Variants in VWA2 observed in about 807,000 individuals in gnomAD.
VWA2 encodes von Willebrand factor A domain-containing protein 2.
Under a neutral mutation model 70.4 loss-of-function variants are expected in VWA2, and 73 were observed. That is an observed-to-expected ratio of 1.04 (90% confidence interval 0.86 to 1.26). The LOEUF is 1.26. Ranked by LOEUF, VWA2 falls within the 50% of genes most tolerant of loss-of-function variation. VWA2 has a pLI of 0.00. For missense variants in VWA2, 1,011 were observed against 998.5 expected, an observed-to-expected ratio of 1.01 and a Z score of -0.17; for synonymous variants, 407 against 423.3, an observed-to-expected ratio of 0.96 and a Z score of 0.47.
At chr10:114,283,718 T>C (rs2133485201) in intron 9 of VWA2, among the ~76,000 whole-genome samples, 1 of 152,360 alleles carries the variant, frequency 6.6e-6, no homozygotes, top group South Asian at 2.1e-4. Context: ...CATGCGTGTA[T>C]TGTGCTTAGC....
intron 5 of VWA2, among the ~76,000 whole-genome samples, chr10:114,270,458 C>T (rs1164785318): frequency 6.6e-6 from 1 of 152,222 alleles, no homozygotes; most frequent in African/African-American, 2.4e-5. Context: ...TACCAGTTAT[C>T]ACTATTCTCT....
chr10:114,246,785 A>C, intron 1 of VWA2: 2 of 1,212,476 alleles, frequency 1.6e-6, no homozygotes, highest in Non-Finnish European at 2.4e-6. Flanking sequence ...ATGCTACTAA[A>C]ATTTATTTTA....
chr10:114,259,903 T>G (rs570443648), intron 4 of VWA2, among the ~76,000 whole-genome samples: 1 of 152,170 alleles, frequency 6.6e-6, no homozygotes, highest in African/African-American at 2.4e-5. Context: ...CCCCAGAGCA[T>G]CCTGCCTGCA....
At chr10:114,271,608 AAC>A (rs142127208) in intron 5 of VWA2, among the ~76,000 whole-genome samples, 8,698 of 144,250 alleles carry the variant, frequency 0.06, 272 homozygotes, top group African/African-American at 0.084. Context: ...GAGAAGTAAA[AAC>A]ACACACACAC....
chr10:114,269,774 G>T (rs2037666257), intron 5 of VWA2, among the ~76,000 whole-genome samples: 1 of 152,094 alleles, frequency 6.6e-6, no homozygotes, highest in Admixed American at 6.5e-5. Flanking sequence ...ATGATCAGAT[G>T]GACCACAAGG....
chr10:114,249,244 G>T (rs569265417), intron 2 of VWA2, among the ~76,000 whole-genome samples: 1 of 151,888 alleles, frequency 6.6e-6, no homozygotes, highest in South Asian at 2.1e-4. Flanking sequence ...TCATTGTTCA[G>T]CTCCCACTTA....
intron 9 of VWA2, 73 bp from the exon 10 acceptor site, chr10:114,284,790 C>G: frequency 7.0e-7 from 1 of 1,424,160 alleles, no homozygotes; most frequent in Non-Finnish European, 9.5e-7. Flanking sequence ...CCAGCTGCAC[C>G]CACACCTCTG....
Position 114,286,321 on chromosome 10 carries a change from G to T in VWA2, c.1380G>T (p.Glu460Asp). The T allele has an allele frequency of 6.2e-7, 1 of 1,612,580 alleles. No homozygotes were observed. Among genetic ancestry groups the T allele is most frequent in the Non-Finnish European group, 8.5e-7 (1 of 1,179,124 alleles). ...VLLTESHSED[E>D]VAGPARHARA... ...TCACTGAGTCACACTCCGAGGATGA[G>T]GTTGCGGGCCCAGCGCGTCACGCAA... The change falls in exon 11 of 14, where the codon GAG becomes GAT. Residue 460 changes from glutamate (E) to aspartate (D), a missense_variant. Glu to Asp is a conservative substitution (Grantham distance 45). Coordinates refer to ENST00000392982, the MANE Select transcript of VWA2 (RefSeq NM_001272046.2).
At chr10:114,281,098 C>T (rs1482450032) in intron 8 of VWA2, 4 of 152,176 alleles carry the variant, frequency 2.6e-5, no homozygotes, top group African/African-American at 7.2e-5. Context: ...CTCCATTTTA[C>T]CCCAGGGAAG....
At chr10:114,240,415 T>C (rs192934463) in intron 1 of VWA2, among the ~76,000 whole-genome samples, 1 of 152,268 alleles carries the variant, frequency 6.6e-6, no homozygotes, top group East Asian at 1.9e-4. Flanking sequence ...CTGCTTGTGA[T>C]TGTGGAATCA....
chr10:114,256,905 G>A (rs1340872692), intron 4 of VWA2, among the ~76,000 whole-genome samples: 4 of 112,770 alleles, frequency 3.5e-5, no homozygotes, highest in African/African-American at 1.1e-4. Flanking sequence ...GTGAAACACC[G>A]TCTCAAAAAA....
At position 114,294,101 on chromosome 10, in the gene VWA2, A is replaced by T. The variant is rs2039847306; in HGVS notation, c.*2864A>T. ...GTTATCCATTTGTGTATTTTCAATC[A>T]TTGAACAACCCTTGATTTTTTTGGA... On this transcript the variant is annotated 3_prime_UTR_variant, in exon 14 of 14. Coordinates refer to ENST00000392982, the MANE Select transcript of VWA2 (RefSeq NM_001272046.2). Among the ~76,000 whole-genome samples, 1 of 152,172 alleles carries T rather than the reference A, an allele frequency of 6.6e-6. No individual in the cohort carries two copies. Among genetic ancestry groups the T allele is most frequent in the South Asian group, 2.1e-4 (1 of 4,828 alleles).
intron 5 of VWA2, among the ~76,000 whole-genome samples, chr10:114,264,483 T>C (rs775196499): frequency 1.3e-5 from 2 of 152,022 alleles, no homozygotes; most frequent in Non-Finnish European, 2.9e-5. Context: ...GGTGGTGCTA[T>C]CTCGGCTCAA....
intron 5 of VWA2, among the ~76,000 whole-genome samples, chr10:114,272,455 G>A (rs1049501483): frequency 6.6e-6 from 1 of 152,146 alleles, no homozygotes; most frequent in Non-Finnish European, 1.5e-5. Flanking sequence ...AAGAGCTGTC[G>A]GCCCAGAGTC....
At chr10:114,280,503 T>C (rs2038026046) in intron 8 of VWA2, among the ~76,000 whole-genome samples, 1 of 152,070 alleles carries the variant, frequency 6.6e-6, no homozygotes, top group Non-Finnish European at 1.5e-5. Context: ...GCAGAGCATG[T>C]GGCATTTGTG....
intron 13 of VWA2, 84 bp from the exon 14 acceptor site, chr10:114,291,130 CAGGA>C: frequency 6.9e-7 from 1 of 1,452,540 alleles, no homozygotes; most frequent in Non-Finnish European, 9.5e-7. Flanking sequence ...AGAGTAAGAG[CAGGA>C]CCTGAAGGGG....
At chr10:114,241,461 C>T (rs192407057) in intron 1 of VWA2, among the ~76,000 whole-genome samples, 12 of 152,256 alleles carry the variant, frequency 7.9e-5, no homozygotes, top group Non-Finnish European at 1.6e-4. Context: ...TCATGTAGTA[C>T]GTAGCTTTCT....
chr10:114,275,115 C>T (rs476525), intron 6 of VWA2, among the ~76,000 whole-genome samples: 25,825 of 151,814 alleles, frequency 0.17, 2,392 homozygotes, highest in Admixed American at 0.24. Context: ...TATAAGGTCA[C>T]CTAGGTAGTG....
At chr10:114,261,676 A>C (rs1399140087) in intron 5 of VWA2, among the ~76,000 whole-genome samples, 1 of 152,176 alleles carries the variant, frequency 6.6e-6, no homozygotes, top group Non-Finnish European at 1.5e-5. Flanking sequence ...CACTTCTCTG[A>C]GCCTCATTTT....
Sources: gnomAD v4.1 joint callset for allele counts (sites outside exome capture counted in the v4.1 genomes callset) on GRCh38, gnomAD v4.1.1 for gene constraint, MANE v1.5 for transcripts, NCBI Gene and HGNC (gene_info 2026-07-23, HGNC 2026-07-21) for gene names.